IRAG2: variants seen among roughly 807,000 people sequenced by gnomAD.
IRAG2 encodes inositol 1,4,5-triphosphate receptor associated 2, also known as lymphoid restricted membrane protein.
A neutral mutation model predicts 69.9 loss-of-function variants in IRAG2; 45 were observed. That is an observed-to-expected ratio of 0.64 (90% confidence interval 0.51 to 0.83). The LOEUF (loss-of-function observed/expected upper bound fraction) is 0.83. Among genes scored for constraint, IRAG2 ranks in the 40% least tolerant of loss-of-function variants. The pLI, the probability that IRAG2 is intolerant of heterozygous loss-of-function variation, is 0.00. For synonymous variants in IRAG2, 193 were observed against 202.4 expected, an observed-to-expected ratio of 0.95 and a Z score of 0.40; for missense variants, 520 against 587.0, an observed-to-expected ratio of 0.89 and a Z score of 1.18.
At chr12:25,102,558 GC>G (rs1230861620) in intron 17 of IRAG2, 3 of 317,412 alleles carry the variant, frequency 9.5e-6, no homozygotes, top group African/African-American at 2.2e-5. Context: ...CTTTCGTGCT[GC>G]CTCACTACCC....
At chr12:25,026,832 T>C (rs954131752) in exon 9 of IRAG2, 3 of 1,229,994 alleles carry the variant, frequency 2.4e-6, no homozygotes, top group African/African-American at 1.6e-5. Flanking sequence ...GAAAAGAAGA[T>C]TGAAGACTTG....
At chr12:25,004,320 T>C (rs74070675), upstream of IRAG2, 1,863 of 1,230,754 alleles carry the variant, frequency 1.5e-3, 26 homozygotes, top group African/African-American at 0.026. Context: ...ACTTCATCTG[T>C]ATACTAGGAG....
intron 6 of IRAG2, among the ~76,000 whole-genome samples, chr12:25,019,269 G>A (rs1433536521): frequency 1.3e-5 from 2 of 152,222 alleles, no homozygotes; most frequent in Admixed American, 1.3e-4. Flanking sequence ...GCTCAGTGGA[G>A]GATCAGGGTG....
At chr12:25,081,581 A>C (rs1160818673) in intron 9 of IRAG2, among the ~76,000 whole-genome samples, 1 of 152,204 alleles carries the variant, frequency 6.6e-6, no homozygotes, top group Non-Finnish European at 1.5e-5. Context: ...GAAATGTTCT[A>C]ATATCTATCA....
chr12:25,056,145 G>C (rs949460981), intron 1 of IRAG2, among the ~76,000 whole-genome samples: 1 of 152,180 alleles, frequency 6.6e-6, no homozygotes, highest in Non-Finnish European at 1.5e-5. Context: ...TCTTAGCATG[G>C]AGGGCGGGAG....
chr12:25,043,397 T>C (rs191471627), intron 16 of IRAG2, among the ~76,000 whole-genome samples: 1 of 152,156 alleles, frequency 6.6e-6, no homozygotes, highest in African/African-American at 2.4e-5. Context: ...TAATGGGACC[T>C]GGCATACTCT....
At chr12:24,999,377 C>A (rs1355949851), upstream of IRAG2, among the ~76,000 whole-genome samples, 1 of 152,046 alleles carries the variant, frequency 6.6e-6, no homozygotes, top group African/African-American at 2.4e-5. Context: ...TTGGATCGGG[C>A]AGATGGTTGA....
chr12:25,030,170 A>T (rs976108216), intron 9 of IRAG2: 2 of 608,758 alleles, frequency 3.3e-6, no homozygotes, highest in Non-Finnish European at 4.8e-6. Context: ...TGAAAAGTAC[A>T]TGCATGTTAA....
Position 25,018,336 on chromosome 12 carries a change from A to T in IRAG2, c.1214+1044A>T, listed in dbSNP as rs538548870. On this transcript the variant is annotated intron_variant, in intron 6 of 38. Coordinates refer to the IRAG2 transcript ENST00000636465. Reference sequence around the variant, plus strand: ...TGGCCTCACCCCCCACCCCTCAAGTAGCTGGGACTACTGGTGCATGCCACC... The same window carrying T: ...TGGCCTCACCCCCCACCCCTCAAGTTGCTGGGACTACTGGTGCATGCCACC... Among the ~76,000 whole-genome samples, 3 of 151,498 alleles carry T rather than the reference A, an allele frequency of 2.0e-5. No individual in the cohort carries two copies. In the South Asian group the frequency reaches 6.2e-4, roughly 32 times the overall value.
intron 6 of IRAG2, chr12:25,075,736 G>A (rs1413569709): frequency 1.3e-5 from 2 of 152,156 alleles, no homozygotes; most frequent in African/African-American, 2.4e-5. Flanking sequence ...TGGACAGAAA[G>A]AGCATTCTCC....
chr12:24,998,364 G>A, the IRAG2 span, among the ~76,000 whole-genome samples: 1 of 152,256 alleles, frequency 6.6e-6, no homozygotes, highest in South Asian at 2.1e-4. Context: ...ACTAAATCTG[G>A]TACTTGTGGT....
At chr12:25,008,241 C>A (rs895701596) in intron 2 of IRAG2, among the ~76,000 whole-genome samples, 3 of 152,064 alleles carry the variant, frequency 2.0e-5, no homozygotes, top group African/African-American at 7.2e-5. Context: ...TTTTGCTATA[C>A]TGGTGTCCTG....
chr12:25,071,488 G>A (rs983987973), intron 6 of IRAG2, among the ~76,000 whole-genome samples: 4 of 152,092 alleles, frequency 2.6e-5, no homozygotes, highest in Non-Finnish European at 5.9e-5. Flanking sequence ...CTTTTATCTG[G>A]CACCGAGTTT....
At chr12:25,052,582 A>T, upstream of IRAG2, 1 of 397,428 alleles carries the variant, frequency 2.5e-6, no homozygotes, top group East Asian at 3.6e-5. Flanking sequence ...AGAAAGAGGC[A>T]ACTTGACATA....
At chr12:25,105,686 T>C (rs955737312) in intron 20 of IRAG2, among the ~76,000 whole-genome samples, 1 of 152,182 alleles carries the variant, frequency 6.6e-6, no homozygotes, top group Non-Finnish European at 1.5e-5. Context: ...TTATCTAGTT[T>C]TTGCTTTTTG....
chr12:25,030,409 C>T (rs1388288841), intron 10 of IRAG2: 36 of 1,044,092 alleles, frequency 3.4e-5, no homozygotes, highest in Middle Eastern at 3.5e-4. Flanking sequence ...TTTTTTTTGA[C>T]GGAGTCTTGC....
intron 15 of IRAG2, 80 bp downstream of exon 15, chr12:25,097,124 C>T (rs1335029168): frequency 1.4e-6 from 2 of 1,392,940 alleles, no homozygotes; most frequent in East Asian, 4.8e-5. Context: ...TTTCTCACTT[C>T]TAGGAATAAG....
rs1944628024 is a variant in IRAG2 at position 25,027,083 on chromosome 12, T to G, written c.1461+217T>G. Among the ~76,000 whole-genome samples, 3 of 152,132 alleles carry G rather than the reference T, an allele frequency of 2.0e-5. No individual in the cohort carries two copies. In the South Asian group the frequency reaches 6.2e-4, roughly 32 times the overall value. On this transcript the variant is annotated intron_variant, in intron 9 of 38. Transcript: ENST00000636465. Reference sequence around the variant, plus strand: ...TGATATGTAATTCACATGCCTTAAATTTCATCAACTTAAAGTATACAAGTC... The same window carrying G: ...TGATATGTAATTCACATGCCTTAAAGTTCATCAACTTAAAGTATACAAGTC...
intron 16 of IRAG2, among the ~76,000 whole-genome samples, chr12:25,039,891 T>C (rs1944733954): frequency 6.6e-6 from 1 of 152,196 alleles, no homozygotes; most frequent in Non-Finnish European, 1.5e-5. Flanking sequence ...TCAGATGTAG[T>C]GCTAAGAATC....
Sources: gnomAD v4.1 joint callset for allele counts (sites outside exome capture counted in the v4.1 genomes callset) on GRCh38, gnomAD v4.1.1 for gene constraint, MANE v1.5 for transcripts, NCBI Gene and HGNC (gene_info 2026-07-23, HGNC 2026-07-21) for gene names.